The following RIOK1 variants were observed in gnomAD, a reference collection of about 807,000 sequenced individuals.
RIOK1 encodes the protein RIO kinase 1.
RIOK1 carries 66 observed loss-of-function variants against 73.5 expected under a neutral mutation model. The ratio of observed to expected loss-of-function variants is 0.90; its 90% CI spans 0.74 to 1.10. The LOEUF (loss-of-function observed/expected upper bound fraction) is 1.10. RIOK1 is among the 50% of genes least tolerant of loss of function. RIOK1 has a pLI of 0.00. For missense variants in RIOK1, 658 were observed against 699.8 expected, an observed-to-expected ratio of 0.94 and a Z score of 0.67; for synonymous variants, 224 against 226.8, an observed-to-expected ratio of 0.99 and a Z score of 0.11.
At chr6:7,403,030 C>T in intron 8 of RIOK1, 133 bp downstream of exon 8, 1 of 640,720 alleles carries the variant, frequency 1.6e-6, no homozygotes, top group African/African-American at 1.9e-5. Flanking sequence ...ATTAGGTCTG[C>T]TGAAGTAAGC....
intron 13 of RIOK1, among the ~76,000 whole-genome samples, chr6:7,410,993 C>A (rs1277214911): frequency 6.6e-6 from 1 of 152,220 alleles, no homozygotes; most frequent in Non-Finnish European, 1.5e-5. Flanking sequence ...CGCTTGCCAA[C>A]TGTAATTCCG....
At position 7,402,672 on chromosome 6, in the gene RIOK1, T is replaced by C; in HGVS notation, c.643T>C (p.Leu215=). 1.2e-6 allele frequency: 2 copies of C among 1,612,766 alleles called. No individual in the cohort carries two copies. Among genetic ancestry groups the C allele is most frequent in the Middle Eastern group, 3.3e-4 (2 of 6,052 alleles). ...RAIKIYKTSI[L]VFKDRDKYVS... Reference sequence around the variant, plus strand: ...AATCAAAATTTATAAAACTTCTATTTTGGTGTTCAAAGATCGGGATAAATA... The same window carrying C: ...AATCAAAATTTATAAAACTTCTATTCTGGTGTTCAAAGATCGGGATAAATA... Residue 215 remains leucine (L), a synonymous_variant, in exon 7 of 17, where the codon TTG becomes CTG. Coordinates refer to ENST00000379834, the MANE Select transcript of RIOK1 (RefSeq NM_031480.3).
intron 16 of RIOK1, among the ~76,000 whole-genome samples, chr6:7,415,479 G>A (rs1030980862): frequency 2.0e-5 from 3 of 152,174 alleles, no homozygotes; most frequent in African/African-American, 4.8e-5. Context: ...TTGTGGAGAA[G>A]GAAAAAGATG....
In RIOK1 at chr6:7,392,556, G is replaced by T. The variant is rs184177358; in HGVS notation, c.72-543G>T. Among the ~76,000 whole-genome samples, 8 of 151,026 alleles carry T rather than the reference G, an allele frequency of 5.3e-5. No individual in the cohort carries two copies. The East Asian group carries it at 1.6e-3, about 29-fold the overall frequency. ...AATTACAATTTTTTTTAGAGACAGG[G>T]TTGCCCAAGCTGGAGTACAGTGGCA... On this transcript the variant is annotated intron_variant, in intron 1 of 16. Transcript: ENST00000379834.
chr6:7,402,985 C>T, intron 8 of RIOK1, 88 bp downstream of exon 8: 1 of 1,217,624 alleles, frequency 8.2e-7, no homozygotes, highest in Non-Finnish European at 1.2e-6. Flanking sequence ...TGTGGTTCTG[C>T]CCAAATGTAG....
chr6:7,417,095 A>G (rs1762024114), intron 16 of RIOK1, among the ~76,000 whole-genome samples: 1 of 151,234 alleles, frequency 6.6e-6, no homozygotes, highest in South Asian at 2.1e-4. Context: ...AAATACCCCA[A>G]AAAAACCTAG....
chr6:7,411,494 T>A (rs1218073436), intron 14 of RIOK1, 43 bp downstream of exon 14: 1 of 1,610,670 alleles, frequency 6.2e-7, no homozygotes, highest in South Asian at 1.1e-5. Flanking sequence ...TCTTCAAAAG[T>A]AGTAGGGGAC....
intron 12 of RIOK1, among the ~76,000 whole-genome samples, chr6:7,409,906 C>T (rs1168177600): frequency 6.6e-6 from 1 of 151,930 alleles, no homozygotes; most frequent in Non-Finnish European, 1.5e-5. Context: ...ATCTTTGTCA[C>T]CCTCGTTTCA....
In RIOK1 at chr6:7,402,670, T is replaced by C; in HGVS notation, c.641T>C (p.Ile214Thr). The C allele has an allele frequency of 6.2e-7, 1 of 1,612,752 alleles. No homozygotes were observed. Among genetic ancestry groups the C allele is most frequent in the Non-Finnish European group, 8.5e-7 (1 of 1,179,060 alleles). ...SRAIKIYKTS[I>T]LVFKDRDKYV... ...GCAATCAAAATTTATAAAACTTCTA[T>C]TTTGGTGTTCAAAGATCGGGATAAA... is the stretch of plus-strand genomic sequence containing the variant. Residue 214 changes from isoleucine to threonine, a missense_variant, in exon 7 of 17, where the codon ATT (isoleucine) becomes ACT (threonine). Physicochemically the swap from Ile to Thr is moderately conservative, Grantham distance 89. Coordinates refer to ENST00000379834, the MANE Select transcript of RIOK1 (RefSeq NM_031480.3).
At chr6:7,412,054 G>T (rs1761898559) in intron 14 of RIOK1, among the ~76,000 whole-genome samples, 1 of 152,172 alleles carries the variant, frequency 6.6e-6, no homozygotes, top group Non-Finnish European at 1.5e-5. Context: ...GATTGCAAAT[G>T]TTTATCTGTA....
chr6:7,407,294 C>T (rs1370765026), intron 12 of RIOK1, among the ~76,000 whole-genome samples: 23 of 152,190 alleles, frequency 1.5e-4, no homozygotes, highest in Non-Finnish European at 3.4e-4. Flanking sequence ...TCCTCACCAG[C>T]ACTTACTAAT....
At chr6:7,409,209 CTAATTGTG>C (rs1472243556) in intron 12 of RIOK1, among the ~76,000 whole-genome samples, 3 of 135,744 alleles carry the variant, frequency 2.2e-5, no homozygotes, top group Non-Finnish European at 3.1e-5. Flanking sequence ...CCACTCCCGA[CTAATTGTG>C]TGTGTGTGTG....
chr6:7,406,687 G>A (rs966826861), intron 12 of RIOK1, among the ~76,000 whole-genome samples: 24 of 151,992 alleles, frequency 1.6e-4, no homozygotes, highest in African/African-American at 5.8e-4. Context: ...TTTGAGACAG[G>A]GTCTCACTCT....
intron 1 of RIOK1, among the ~76,000 whole-genome samples, chr6:7,390,644 C>T (rs1412987656): frequency 2.6e-5 from 4 of 152,200 alleles, no homozygotes; most frequent in Admixed American, 2.6e-4. Flanking sequence ...GCATTTCACA[C>T]AGAAGGGACA....
intron 1 of RIOK1, among the ~76,000 whole-genome samples, 175 bp downstream of exon 1, chr6:7,390,248 G>C (rs962734718): frequency 6.6e-6 from 1 of 152,170 alleles, no homozygotes; most frequent in African/African-American, 2.4e-5. Context: ...CCCAGTTCAC[G>C]CGGCAGAGTT....
Position 7,401,038 on chromosome 6 carries a change from C to T in RIOK1, c.561C>T (p.Ser187=). The T allele has an allele frequency of 1.3e-6, 2 of 1,596,744 alleles. No individual in the cohort carries two copies. Among genetic ancestry groups the T allele is most frequent in the Non-Finnish European group, 1.7e-6 (2 of 1,166,200 alleles). ...GIITEINGCI[S]TGKEANVYHA... is the part of the protein sequence containing the mutation. ...TAACAGAGATAAATGGCTGCATTAGCACAGGAAAAGAAGTGAGCTCTTCTT... is the reference window on the plus strand; with the variant it reads ...TAACAGAGATAAATGGCTGCATTAGTACAGGAAAAGAAGTGAGCTCTTCTT... The change falls in exon 6 of 17, where the codon AGC becomes AGT. Residue 187 remains serine, a synonymous_variant. Transcript: ENST00000379834.
At chr6:7,411,099 T>TC (rs1050609868) in intron 13 of RIOK1, among the ~76,000 whole-genome samples, 1 of 152,206 alleles carries the variant, frequency 6.6e-6, no homozygotes, top group Non-Finnish European at 1.5e-5. Context: ...ATGTTTTTTT[T>TC]CCCTTCCTTA....
chr6:7,398,443 C>G (rs1477314406), intron 4 of RIOK1, among the ~76,000 whole-genome samples: 1 of 152,148 alleles, frequency 6.6e-6, no homozygotes, highest in Non-Finnish European at 1.5e-5. Flanking sequence ...CTCTTTGATG[C>G]TTCTGAAATA....
chr6:7,396,688 T>A lies in RIOK1; in HGVS notation c.368-15T>A. ...TCTTACATATTGTTTACATTGTGGG[T>A]TTCTTGTATTTTAGATAAGCTAAAT... is the stretch of plus-strand genomic sequence containing the variant. On this transcript the variant is annotated splice_polypyrimidine_tract_variant and intron_variant, in intron 3 of 16. Transcript: ENST00000379834. 1 of 1,548,828 alleles carries A rather than the reference T, an allele frequency of 6.5e-7. No individual in the cohort carries two copies.
Sources: gnomAD v4.1 joint callset for allele counts (sites outside exome capture counted in the v4.1 genomes callset) on GRCh38, gnomAD v4.1.1 for gene constraint, MANE v1.5 for transcripts, NCBI Gene and HGNC (gene_info 2026-07-23, HGNC 2026-07-21) for gene names.